LRRFIP2: variants seen among roughly 807,000 people sequenced by gnomAD.
LRRFIP2 encodes the protein LRR binding FLII interacting protein 2, also known as leucine-rich repeat flightless-interacting protein 2.
A neutral mutation model predicts 125.9 loss-of-function variants in LRRFIP2; 109 were observed. The observed-to-expected ratio is 0.87, with a 90% CI of 0.74 to 1.01. The LOEUF (loss-of-function observed/expected upper bound fraction) is 1.01, where lower values mean the gene tolerates loss of function less well. LRRFIP2 is among the 50% of genes least tolerant of loss of function. The probability of loss-of-function intolerance (pLI) is 0.00; values close to 1 mark genes in which losing one functional copy is unlikely to be tolerated. For missense variants in LRRFIP2, 850 were observed against 862.3 expected, an observed-to-expected ratio of 0.99 and a Z score of 0.18; for synonymous variants, 291 against 293.1, an observed-to-expected ratio of 0.99 and a Z score of 0.07.
intron 1 of LRRFIP2, among the ~76,000 whole-genome samples, chr3:37,164,264 T>C (rs1429556116): frequency 6.6e-6 from 1 of 152,174 alleles, no homozygotes; most frequent in Non-Finnish European, 1.5e-5. Flanking sequence ...TTCATTATAA[T>C]GAAAACACCA....
chr3:37,053,550 G>GCC lies in LRRFIP2; in HGVS notation c.*299_*300dup. On this transcript the variant is annotated 3_prime_UTR_variant, in exon 28 of 28. Coordinates refer to ENST00000336686, the MANE Select transcript of LRRFIP2 (RefSeq NM_006309.4). ...AGAACCCGTGCCAAGGCCTCCGAGT[G>GCC]CCCAGTTACTGAGGCAGCTGGGGAA... The GCC allele has an allele frequency of 3.1e-6, 1 of 325,072 alleles. No homozygotes were observed. The highest frequency in any genetic ancestry group is 2.2e-5 in the African/African-American group (1 of 46,472). The allele number at this position is 325,072 out of a possible 1,614,324, so 20.1% of individuals were successfully genotyped here. A position where few individuals can be genotyped will look rare whatever the true frequency, so the allele number is the denominator to read the frequency against.
At chr3:37,167,839 G>A (rs1203595439) in intron 1 of LRRFIP2, among the ~76,000 whole-genome samples, 1 of 152,070 alleles carries the variant, frequency 6.6e-6, no homozygotes, top group Non-Finnish European at 1.5e-5. Flanking sequence ...GCCAGGCATG[G>A]CAGTGCACAC....
chr3:37,105,169 CAT>C (rs1202513480), intron 14 of LRRFIP2, among the ~76,000 whole-genome samples: 3 of 152,124 alleles, frequency 2.0e-5, no homozygotes, highest in African/African-American at 7.2e-5. Flanking sequence ...ACTGCACACA[CAT>C]GTATGTGCAT....
chr3:37,166,339 C>A (rs902743812), intron 1 of LRRFIP2, among the ~76,000 whole-genome samples: 179 of 149,672 alleles, frequency 1.2e-3, no homozygotes, highest in African/African-American at 3.8e-3. Flanking sequence ...AATAACATAA[C>A]ATAAAATAAA....
chr3:37,137,562 T>G (rs2095588515), intron 2 of LRRFIP2, among the ~76,000 whole-genome samples: 1 of 152,194 alleles, frequency 6.6e-6, no homozygotes, highest in South Asian at 2.1e-4. Flanking sequence ...GTTCTCTGAA[T>G]AGAGAACTAG....
upstream of LRRFIP2, among the ~76,000 whole-genome samples, chr3:37,175,424 A>G (rs1276811833): frequency 6.6e-6 from 1 of 152,196 alleles, no homozygotes. Context: ...ACGGTGAAAA[A>G]AGTAAAGCAA....
At chr3:37,158,505 G>T (rs2096256382) in intron 1 of LRRFIP2, among the ~76,000 whole-genome samples, 1 of 152,032 alleles carries the variant, frequency 6.6e-6, no homozygotes, top group South Asian at 2.1e-4. Context: ...TACTTGGGAG[G>T]CTGAGGCAGG....
chr3:37,118,475 C>T (rs1430711618), intron 6 of LRRFIP2, among the ~76,000 whole-genome samples: 1 of 152,216 alleles, frequency 6.6e-6, no homozygotes, highest in African/African-American at 2.4e-5. Flanking sequence ...ATAATCCAAT[C>T]ATTATACAAA....
At chr3:37,108,436 A>G (rs2094429673) in intron 12 of LRRFIP2, among the ~76,000 whole-genome samples, 1 of 152,218 alleles carries the variant, frequency 6.6e-6, no homozygotes, top group South Asian at 2.1e-4. Context: ...TCCAGCAGGC[A>G]TTTTATCACA....
chr3:37,055,868 C>T (rs1348759772), intron 25 of LRRFIP2, among the ~76,000 whole-genome samples: 1 of 152,150 alleles, frequency 6.6e-6, no homozygotes, highest in Non-Finnish European at 1.5e-5. Context: ...TTCCCATCTC[C>T]CAGGTTTTGC....
chr3:37,114,279 C>G (rs2094675155), intron 7 of LRRFIP2, among the ~76,000 whole-genome samples: 1 of 152,088 alleles, frequency 6.6e-6, no homozygotes, highest in African/African-American at 2.4e-5. Context: ...CTAACCAAAT[C>G]AAACCAAAAT....
chr3:37,133,557 T>C (rs759118164), intron 2 of LRRFIP2, among the ~76,000 whole-genome samples: 4 of 152,170 alleles, frequency 2.6e-5, no homozygotes, highest in African/African-American at 4.8e-5. Context: ...AGGAGTAATA[T>C]TGTATACTTC....
Position 37,083,743 on chromosome 3 carries a change from T to C in LRRFIP2, c.1171A>G (p.Asn391Asp), listed in dbSNP as rs753158325. The C allele has an allele frequency of 6.2e-7, 1 of 1,602,078 alleles. No homozygotes were observed. Among genetic ancestry groups the C allele is most frequent in the Non-Finnish European group, 8.5e-7 (1 of 1,176,268 alleles). The change falls in exon 19 of 28, where the codon AAT becomes GAT. Residue 391 changes from asparagine (N) to aspartate (D), a missense_variant. By Grantham distance (23) the Asn-to-Asp change is conservative. Coordinates refer to ENST00000336686, the MANE Select transcript of LRRFIP2 (RefSeq NM_006309.4). Reference sequence around the variant, plus strand: ...TGGTAGATCAAATTGTTCTTCTCATTGTCTAACTGTGCATTGGAAACCATG... The same window carrying C: ...TGGTAGATCAAATTGTTCTTCTCATCGTCTAACTGTGCATTGGAAACCATG... ...KAMVSNAQLD[N>D]EKNNLIYQVD...
At position 37,056,911 on chromosome 3, in the gene LRRFIP2, ACT is replaced by A. The variant is rs2148626245; in HGVS notation, c.1871-1748_1871-1747del. Reference sequence around the variant, plus strand: ...TATCCAAATGTACTTCTTCCTTCTCACTCTCCAAACCACCTTTCCCTTCCTGT... The same window carrying A: ...TATCCAAATGTACTTCTTCCTTCTCACTCCAAACCACCTTTCCCTTCCTGT... On this transcript the variant is annotated intron_variant, in intron 25 of 27. Transcript: ENST00000336686. Among the ~76,000 whole-genome samples the A allele has an allele frequency of 2.0e-5, 3 of 151,960 alleles. No individual in the cohort carries two copies. In the South Asian group the frequency reaches 6.2e-4, roughly 32 times the overall value.
At chr3:37,090,794 T>C (rs773254162) in intron 18 of LRRFIP2, among the ~76,000 whole-genome samples, 18 of 152,146 alleles carry the variant, frequency 1.2e-4, no homozygotes, top group Non-Finnish European at 2.1e-4. Context: ...TTTTGACCTA[T>C]AGGTTAAAAA....
chr3:37,175,059 T>C (rs1477630675), upstream of LRRFIP2: 1 of 152,254 alleles, frequency 6.6e-6, no homozygotes, highest in African/African-American at 2.4e-5. Context: ...CAACACTGCA[T>C]TCTCCAATAA....
intron 2 of LRRFIP2, among the ~76,000 whole-genome samples, chr3:37,147,800 A>G (rs2095895990): frequency 6.6e-6 from 1 of 152,248 alleles, no homozygotes; most frequent in African/African-American, 2.4e-5. Flanking sequence ...AGAGTCTGAA[A>G]CAAAGTTGGC....
intron 1 of LRRFIP2, among the ~76,000 whole-genome samples, chr3:37,158,157 G>A (rs1055884793): frequency 2.0e-5 from 3 of 152,144 alleles, no homozygotes; most frequent in Non-Finnish European, 2.9e-5. Flanking sequence ...TCACTTATCC[G>A]TATTTTCTGA....
At chr3:37,090,621 A>G (rs1305542562) in intron 18 of LRRFIP2, among the ~76,000 whole-genome samples, 1 of 152,214 alleles carries the variant, frequency 6.6e-6, no homozygotes, top group Non-Finnish European at 1.5e-5. Flanking sequence ...CTTCAGAATG[A>G]CATGTGAGGA....
Sources: allele counts gnomAD v4.1 joint callset (sites outside exome capture counted in the v4.1 genomes callset), GRCh38; gene constraint gnomAD v4.1.1; transcripts MANE v1.5; gene names NCBI Gene and HGNC (gene_info 2026-07-23, HGNC 2026-07-21).